PLCB4: variants seen among roughly 807,000 people sequenced by gnomAD.
The protein encoded by PLCB4 is 1-phosphatidylinositol 4,5-bisphosphate phosphodiesterase beta-4.
PLCB4 carries 77 observed loss-of-function variants against 178.8 expected under a neutral mutation model. The ratio of observed to expected loss-of-function variants is 0.43; its 90% CI spans 0.36 to 0.52. The LOEUF is 0.52. Among genes scored for constraint, PLCB4 ranks in the 20% least tolerant of loss-of-function variants. The pLI, the probability that PLCB4 is intolerant of heterozygous loss-of-function variation, is 0.00. For missense variants in PLCB4, 1,024 were observed against 1,453.4 expected (o/e 0.70, Z 4.80); for synonymous variants, 496 against 490.8 (o/e 1.01, Z -0.14).
At chr20:9,285,213 T>C (rs1443262407) in intron 3 of PLCB4, among the ~76,000 whole-genome samples, 1 of 151,870 alleles carries the variant, frequency 6.6e-6, no homozygotes, top group African/African-American at 2.4e-5. Context: ...AAAATGTAAT[T>C]ATAGTCAGTT....
chr20:9,266,261 GTTGT>G (rs771637639), intron 3 of PLCB4, among the ~76,000 whole-genome samples: 19 of 152,048 alleles, frequency 1.2e-4, no homozygotes, highest in South Asian at 2.1e-4. Flanking sequence ...TTTTTTTGTT[GTTGT>G]TTGTTTGTTT....
chr20:9,360,973 A>G (rs1367397420), intron 7 of PLCB4, among the ~76,000 whole-genome samples: 1 of 152,224 alleles, frequency 6.6e-6, no homozygotes, highest in Non-Finnish European at 1.5e-5. Context: ...AAACAAACAA[A>G]CAAAAAAACC....
chr20:9,244,104 A>G (rs1021903883), intron 3 of PLCB4, among the ~76,000 whole-genome samples: 24 of 152,220 alleles, frequency 1.6e-4, no homozygotes, highest in African/African-American at 5.5e-4. Context: ...CTGATCCCTA[A>G]TCTTGAGGTG....
intron 3 of PLCB4, among the ~76,000 whole-genome samples, chr20:9,304,367 A>T (rs968084047): frequency 3.9e-5 from 6 of 151,936 alleles, no homozygotes; most frequent in African/African-American, 1.5e-4. Flanking sequence ...AAATGCTGAA[A>T]TTTCCTCTAG....
intron 36 of PLCB4, among the ~76,000 whole-genome samples, chr20:9,470,174 C>T (rs1034686594): frequency 5.9e-5 from 9 of 151,716 alleles, no homozygotes; most frequent in Admixed American, 3.9e-4. Flanking sequence ...ACTAAAAATA[C>T]AAAAAAATTA....
chr20:9,190,968 T>C (rs1364860935), intron 2 of PLCB4, among the ~76,000 whole-genome samples: 5 of 152,136 alleles, frequency 3.3e-5, no homozygotes, highest in Non-Finnish European at 5.9e-5. Context: ...TTGAAGTGAT[T>C]TTGTATGGTT....
intron 9 of PLCB4, among the ~76,000 whole-genome samples, chr20:9,368,513 G>A (rs540924795): frequency 9.9e-5 from 15 of 152,144 alleles, no homozygotes; most frequent in Admixed American, 3.3e-4. Flanking sequence ...CAAACAAAAC[G>A]GCTGTGTTAA....
At chr20:9,415,151 C>T (rs1164828736) in intron 25 of PLCB4, among the ~76,000 whole-genome samples, 1 of 152,122 alleles carries the variant, frequency 6.6e-6, no homozygotes, top group African/African-American at 2.4e-5. Context: ...AATTTTTTCT[C>T]TTTTATGTTT....
intron 3 of PLCB4, among the ~76,000 whole-genome samples, chr20:9,288,484 A>G (rs2094554010): frequency 6.6e-6 from 1 of 151,786 alleles, no homozygotes; most frequent in Non-Finnish European, 1.5e-5. Context: ...TTATTCTTCA[A>G]AGCAGTCCTT....
At chr20:9,327,562 G>C (rs2030870136) in intron 4 of PLCB4, among the ~76,000 whole-genome samples, 1 of 151,892 alleles carries the variant, frequency 6.6e-6, no homozygotes. Context: ...GGATCACGAG[G>C]TCAGGAGATT....
In PLCB4 at chr20:9,323,714, G is replaced by T. The variant is rs114889156; in HGVS notation, c.85-13412G>T. Among the ~76,000 whole-genome samples, 984 of 152,234 alleles carry T rather than the reference G, an allele frequency of 6.5e-3. 14 individuals carry two copies. The highest frequency in any genetic ancestry group is 0.021 in the African/African-American group (860 of 41,556). On this transcript the variant is annotated intron_variant, in intron 4 of 39. Coordinates refer to ENST00000378473, the MANE Select transcript of PLCB4 (RefSeq NM_001377142.1). ...AGCTGCCCCAGGAGTCCCCTCATTGGACAGTTTTGCTGCAGGGGCTTCAGC... is the reference window on the plus strand; with the variant it reads ...AGCTGCCCCAGGAGTCCCCTCATTGTACAGTTTTGCTGCAGGGGCTTCAGC...
At chr20:9,149,956 G>T (rs188008927) in intron 2 of PLCB4, among the ~76,000 whole-genome samples, 5 of 152,260 alleles carry the variant, frequency 3.3e-5, no homozygotes, top group African/African-American at 1.2e-4. Context: ...CAGGTTGGGC[G>T]CTTATTCACT....
At chr20:9,173,601 G>A (rs950244689) in intron 2 of PLCB4, among the ~76,000 whole-genome samples, 2 of 152,158 alleles carry the variant, frequency 1.3e-5, no homozygotes, top group African/African-American at 4.8e-5. Context: ...GCCTTGTCCA[G>A]CTTCTTGAAG....
Position 9,479,060 on chromosome 20 carries a change from C to A in PLCB4, c.*51C>A. ...AGACTCACTCACAAACTTCTGAACA[C>A]AAACTCCATGGATGAAAGCTGTTTA... On this transcript the variant is annotated 3_prime_UTR_variant, in exon 40 of 40. Transcript: ENST00000378473. The A allele has an allele frequency of 8.0e-7, 1 of 1,242,636 alleles. No homozygotes were observed. The highest frequency in any genetic ancestry group is 1.2e-6 in the Non-Finnish European group (1 of 846,622). The allele number at this position is 1,242,636 out of a possible 1,614,324, so 77.0% of individuals were successfully genotyped here. A position where few individuals can be genotyped will look rare whatever the true frequency, so the allele number is the denominator to read the frequency against.
intron 19 of PLCB4, among the ~76,000 whole-genome samples, chr20:9,399,763 G>C (rs1485711294): frequency 6.6e-6 from 1 of 152,196 alleles, no homozygotes; most frequent in Non-Finnish European, 1.5e-5. Flanking sequence ...CCTTCAAGTG[G>C]TTTACATCTG....
intron 2 of PLCB4, among the ~76,000 whole-genome samples, chr20:9,183,202 G>T (rs959172713): frequency 6.6e-6 from 1 of 152,088 alleles, no homozygotes; most frequent in Admixed American, 6.6e-5. Flanking sequence ...CACCTATCTC[G>T]TGAAAATGTG....
intron 3 of PLCB4, among the ~76,000 whole-genome samples, chr20:9,243,863 A>G (rs929467449): frequency 1.3e-5 from 2 of 152,208 alleles, no homozygotes; most frequent in East Asian, 1.9e-4. Flanking sequence ...ATTATCTCAT[A>G]GGTAACTGTG....
At chr20:9,411,828 G>T (rs542990403) in intron 25 of PLCB4, among the ~76,000 whole-genome samples, 1 of 152,120 alleles carries the variant, frequency 6.6e-6, no homozygotes, top group South Asian at 2.1e-4. Context: ...CTGCCCAAAG[G>T]CCTGTAGAGG....
At chr20:9,331,554 TTCAA>T (rs1568600152) in intron 4 of PLCB4, among the ~76,000 whole-genome samples, 2 of 152,196 alleles carry the variant, frequency 1.3e-5, no homozygotes, top group South Asian at 2.1e-4. Context: ...ATTTCTCCAC[TTCAA>T]TCAGAGTATT....
Sources: allele counts gnomAD v4.1 joint callset (sites outside exome capture counted in the v4.1 genomes callset), GRCh38; gene constraint gnomAD v4.1.1; transcripts MANE v1.5; gene names NCBI Gene and HGNC (gene_info 2026-07-23, HGNC 2026-07-21).